REDIC1: variants seen among roughly 807,000 people sequenced by gnomAD.
The protein encoded by REDIC1 is HEI10 Interacting Protein 1.
the REDIC1 span, among the ~76,000 whole-genome samples, chr12:39,635,246 G>A: frequency 5.9e-5 from 9 of 152,238 alleles, 1 homozygote; most frequent in Middle Eastern, 3.4e-3. Context: ...GATTCCTCAA[G>A]GATCTAGAAC....
the REDIC1 span, among the ~76,000 whole-genome samples, chr12:39,629,672 T>C: frequency 0.016 from 2,389 of 152,280 alleles, 63 homozygotes; most frequent in African/African-American, 0.054. Context: ...TTACTTAGTT[T>C]GGCTTTACTG....
the REDIC1 span, among the ~76,000 whole-genome samples, chr12:39,690,005 G>C: frequency 6.6e-6 from 1 of 152,186 alleles, no homozygotes; most frequent in Non-Finnish European, 1.5e-5. Context: ...CAGGTATGGG[G>C]ACTTTAAATT....
At chr12:39,786,155 C>T in the REDIC1 span, among the ~76,000 whole-genome samples, 2 of 152,072 alleles carry the variant, frequency 1.3e-5, no homozygotes, top group Admixed American at 6.6e-5. Flanking sequence ...TTGTCCCCAC[C>T]CAAATCTCAA....
At chr12:39,682,813 G>A in the REDIC1 span, 14 of 1,612,368 alleles carry the variant, frequency 8.7e-6, no homozygotes, top group Non-Finnish European at 1.2e-5. Flanking sequence ...AGAGAATTGT[G>A]ACTCTTTTGT....
chr12:39,689,948 T>C, the REDIC1 span, among the ~76,000 whole-genome samples: 1 of 152,214 alleles, frequency 6.6e-6, no homozygotes, highest in African/African-American at 2.4e-5. Context: ...AGCCTATTGA[T>C]GTAGCCCAAA....
the REDIC1 span, chr12:39,682,966 A>G: frequency 1.2e-6 from 2 of 1,613,372 alleles, no homozygotes; most frequent in Non-Finnish European, 1.7e-6. Context: ...ATGCATTAGA[A>G]ACATTTTTAC....
the REDIC1 span, among the ~76,000 whole-genome samples, chr12:39,627,398 C>G: frequency 6.6e-6 from 1 of 152,114 alleles, no homozygotes; most frequent in African/African-American, 2.4e-5. Flanking sequence ...ATTTAGTATT[C>G]TTTAAAATAT....
chr12:39,751,429 T>C, the REDIC1 span, among the ~76,000 whole-genome samples: 1 of 152,128 alleles, frequency 6.6e-6, no homozygotes, highest in African/African-American at 2.4e-5. Context: ...TGTGGAGAAA[T>C]AGGAACACTT....
At chr12:39,850,505 T>C in the REDIC1 span, among the ~76,000 whole-genome samples, 1 of 152,162 alleles carries the variant, frequency 6.6e-6, no homozygotes, top group East Asian at 1.9e-4. Flanking sequence ...TTCTGAATTT[T>C]ACTCTAGTCA....
the REDIC1 span, among the ~76,000 whole-genome samples, chr12:39,744,594 T>C: frequency 1.3e-5 from 2 of 152,274 alleles, no homozygotes; most frequent in East Asian, 1.9e-4. Flanking sequence ...CAAAGGGCTA[T>C]AGTGTTTTCT....
At chr12:39,689,052 C>T in the REDIC1 span, among the ~76,000 whole-genome samples, 2 of 152,150 alleles carry the variant, frequency 1.3e-5, no homozygotes, top group African/African-American at 2.4e-5. Context: ...GTTTCCTAAC[C>T]ATCCATCCAT....
chr12:39,750,694 G>T, the REDIC1 span, among the ~76,000 whole-genome samples: 2 of 152,180 alleles, frequency 1.3e-5, no homozygotes, highest in Admixed American at 1.3e-4. Context: ...AAACAGCATG[G>T]TACTGGTACC....
At chr12:39,745,180 C>T in the REDIC1 span, among the ~76,000 whole-genome samples, 342 of 152,238 alleles carry the variant, frequency 2.2e-3, 18 homozygotes, top group South Asian at 0.067. Context: ...TCACATTTGC[C>T]TCCAAATTAT....
At chr12:39,667,057 T>A in the REDIC1 span, among the ~76,000 whole-genome samples, 1 of 152,168 alleles carries the variant, frequency 6.6e-6, no homozygotes, top group Admixed American at 6.5e-5. Context: ...TTTTTGTGTC[T>A]CTATTTCCTT....
chr12:39,743,274 G>A, the REDIC1 span, among the ~76,000 whole-genome samples: 2 of 152,036 alleles, frequency 1.3e-5, no homozygotes, highest in Non-Finnish European at 2.9e-5. Flanking sequence ...CCACCTAGAG[G>A]GAGAAAAAAC....
the REDIC1 span, among the ~76,000 whole-genome samples, chr12:39,900,502 A>C: frequency 6.6e-6 from 1 of 152,108 alleles, no homozygotes; most frequent in Non-Finnish European, 1.5e-5. Context: ...TCAGGATACA[A>C]AATCAATGTG....
the REDIC1 span, among the ~76,000 whole-genome samples, chr12:39,631,779 G>A: frequency 6.6e-6 from 1 of 152,076 alleles, no homozygotes; most frequent in Non-Finnish European, 1.5e-5. Flanking sequence ...AAGTTCAACA[G>A]TTTTAAATTT....
chr12:39,812,379 T>TTTC, the REDIC1 span, among the ~76,000 whole-genome samples: 2 of 138,204 alleles, frequency 1.4e-5, no homozygotes, highest in Admixed American at 7.3e-5. Context: ...TTTCTTTTCT[T>TTTC]TTCTTTCTTT....
At chr12:39,682,594 TTTTG>T in the REDIC1 span, 4 of 1,506,620 alleles carry the variant, frequency 2.7e-6, no homozygotes. Flanking sequence ...CTAAATATGT[TTTTG>T]TTTATCCCAA....
Sources: gnomAD v4.1 joint callset for allele counts (sites outside exome capture counted in the v4.1 genomes callset) on GRCh38, gnomAD v4.1.1 for gene constraint, MANE v1.5 for transcripts, NCBI Gene and HGNC (gene_info 2026-07-23, HGNC 2026-07-21) for gene names.